PLEKHA1: variants seen among roughly 807,000 people sequenced by gnomAD.
The protein encoded by PLEKHA1 is pleckstrin homology domain containing A1.
Under a neutral mutation model 52.0 loss-of-function variants are expected in PLEKHA1, and 34 were observed. That is an observed-to-expected ratio of 0.65 (90% confidence interval 0.50 to 0.87). The LOEUF (loss-of-function observed/expected upper bound fraction) is 0.87. Ranked by LOEUF, PLEKHA1 falls within the 40% of genes least tolerant of loss-of-function variation. The pLI is 0.00. For synonymous variants in PLEKHA1, 163 were observed against 170.7 expected (o/e 0.95, Z 0.35); for missense variants, 497 against 504.2 (o/e 0.99, Z 0.14).
chr10:122,424,657 C>CA (rs1415413094), intron 9 of PLEKHA1, among the ~76,000 whole-genome samples: 1 of 152,098 alleles, frequency 6.6e-6, no homozygotes, highest in Non-Finnish European at 1.5e-5. Flanking sequence ...AGTGTTTCAC[C>CA]AAACTGATTA....
chr10:122,409,943 A>G (rs1189602290), intron 5 of PLEKHA1, among the ~76,000 whole-genome samples: 2 of 152,030 alleles, frequency 1.3e-5, no homozygotes, highest in Non-Finnish European at 2.9e-5. Flanking sequence ...CACCACAGCC[A>G]GCTAATTTTT....
intron 1 of PLEKHA1, among the ~76,000 whole-genome samples, chr10:122,375,910 A>T (rs972059401): frequency 4.6e-5 from 7 of 152,152 alleles, no homozygotes; most frequent in African/African-American, 1.4e-4. Flanking sequence ...GCCCCTTGTG[A>T]GTTAGTTTTC....
chr10:122,426,829 T>C, intron 10 of PLEKHA1, 113 bp from the exon 11 acceptor site: 1 of 970,764 alleles, frequency 1.0e-6, no homozygotes, highest in Admixed American at 2.7e-5. Flanking sequence ...ACAGTTGCCT[T>C]AGAGTGATTT....
chr10:122,410,550 A>G (rs1010948844), intron 5 of PLEKHA1, among the ~76,000 whole-genome samples: 3 of 152,172 alleles, frequency 2.0e-5, no homozygotes, highest in South Asian at 2.1e-4. Flanking sequence ...ATCCATGTTC[A>G]TGGGTATTTT....
At chr10:122,376,509 T>G (rs1479693501) in intron 1 of PLEKHA1, among the ~76,000 whole-genome samples, 41 of 664 alleles carry the variant, frequency 0.062, no homozygotes, top group African/African-American at 0.13. Context: ...AAGATATATA[T>G]ATATATATAT....
rs2097418855 is a variant in PLEKHA1, at chr10:122,431,760, C to T, written c.*1822C>T. 1 of 152,448 alleles carries T rather than the reference C, an allele frequency of 6.6e-6. No homozygotes were observed. Among genetic ancestry groups the T allele is most frequent in the African/African-American group, 2.4e-5 (1 of 41,392 alleles). The allele number at this position is 152,448 out of a possible 1,614,324, so 9.4% of individuals were successfully genotyped here. ...CATTAAGATTTTTTCTCTTTTGCAGCTACATTTGAAAGTGATAGAATAAAG... is the reference window on the plus strand; with the variant it reads ...CATTAAGATTTTTTCTCTTTTGCAGTTACATTTGAAAGTGATAGAATAAAG... On this transcript the variant is annotated 3_prime_UTR_variant, in exon 12 of 12. Transcript: ENST00000368990.
the PLEKHA1 span, chr10:122,439,474 G>A: frequency 1.3e-5 from 2 of 151,424 alleles, no homozygotes; most frequent in African/African-American, 4.9e-5. Flanking sequence ...GCTCACGCCT[G>A]TAATCCTAGC....
At chr10:122,376,081 A>G (rs1429196130) in intron 1 of PLEKHA1, among the ~76,000 whole-genome samples, 1 of 152,194 alleles carries the variant, frequency 6.6e-6, no homozygotes, top group African/African-American at 2.4e-5. Context: ...TGCCACTGAA[A>G]CCATTTACAG....
intron 1 of PLEKHA1, 73 bp downstream of exon 1, chr10:122,374,879 C>CGGCTGCGG (rs1182782800): frequency 1.3e-5 from 2 of 154,534 alleles, no homozygotes; most frequent in African/African-American, 2.4e-5. Flanking sequence ...GAGGTGGCGG[C>CGGCTGCGG]GGCTGCGGGG....
chr10:122,434,365 G>A (rs1404690989), downstream of PLEKHA1: 1 of 152,084 alleles, frequency 6.6e-6, no homozygotes, highest in Non-Finnish European at 1.5e-5. Flanking sequence ...TTCTTGCCTA[G>A]TGTCTCATTG....
intron 5 of PLEKHA1, among the ~76,000 whole-genome samples, chr10:122,408,803 A>G (rs1343086350): frequency 6.6e-6 from 1 of 152,162 alleles, no homozygotes; most frequent in African/African-American, 2.4e-5. Flanking sequence ...TTTCCTGTGA[A>G]CATTGCTGAT....
At chr10:122,382,004 A>G (rs1001823288) in intron 1 of PLEKHA1, among the ~76,000 whole-genome samples, 1 of 152,188 alleles carries the variant, frequency 6.6e-6, no homozygotes, top group African/African-American at 2.4e-5. Context: ...TATATAGGAA[A>G]GAGATCCACA....
chr10:122,397,154 A>G (rs2096861915), intron 2 of PLEKHA1, among the ~76,000 whole-genome samples: 1 of 151,976 alleles, frequency 6.6e-6, no homozygotes. Context: ...ATTGTTTGCT[A>G]TAGTTTGTCC....
At chr10:122,411,837 A>C (rs2097110802) in intron 5 of PLEKHA1, 1 of 152,204 alleles carries the variant, frequency 6.6e-6, no homozygotes, top group Non-Finnish European at 1.5e-5. Context: ...AAACTATTTA[A>C]GTTAAATGTT....
At chr10:122,375,094 C>T (rs1350960752) in intron 1 of PLEKHA1, 1 of 151,852 alleles carries the variant, frequency 6.6e-6, no homozygotes, top group Non-Finnish European at 1.5e-5. Context: ...CGTGGGTCCC[C>T]GATTGTTTTC....
At chr10:122,427,390 G>C (rs1202340390) in intron 11 of PLEKHA1, among the ~76,000 whole-genome samples, 3 of 152,150 alleles carry the variant, frequency 2.0e-5, no homozygotes, top group Non-Finnish European at 2.9e-5. Flanking sequence ...TTTAGTTGTA[G>C]CGTTACACAG....
Position 122,374,747 on chromosome 10 carries a change from A to C in PLEKHA1, c.-80A>C, listed in dbSNP as rs1359218772. 1 of 151,784 alleles carries C rather than the reference A, an allele frequency of 6.6e-6. No individual in the cohort carries two copies. Among genetic ancestry groups the C allele is most frequent in the Non-Finnish European group, 1.5e-5 (1 of 67,946 alleles). The allele number at this position is 151,784 out of a possible 1,614,324, so 9.4% of individuals were successfully genotyped here. A position where few individuals can be genotyped will look rare whatever the true frequency, so the allele number is the denominator to read the frequency against. The stretch of plus-strand genomic sequence containing the variant: ...GGCCGTCGCGGACGCCGCTCCGGGC[A>C]GCCGAGCCTCTGTGGGAGCCGGGGC... On this transcript the variant is annotated 5_prime_UTR_variant, in exon 1 of 12. Transcript: ENST00000368990.
At chr10:122,428,481 A>G (rs1417843228) in intron 11 of PLEKHA1, 1 of 1,288,498 alleles carries the variant, frequency 7.8e-7, no homozygotes, top group Non-Finnish European at 9.9e-7. Context: ...TACTAACGCA[A>G]ACTGTTTCAC....
At chr10:122,405,158 G>T (rs991879801) in intron 4 of PLEKHA1, among the ~76,000 whole-genome samples, 9 of 152,064 alleles carry the variant, frequency 5.9e-5, no homozygotes, top group African/African-American at 2.2e-4. Context: ...CCCTAAAGGG[G>T]AATATAGAAA....
Sources: allele counts gnomAD v4.1 joint callset (sites outside exome capture counted in the v4.1 genomes callset), GRCh38; gene constraint gnomAD v4.1.1; transcripts MANE v1.5; gene names NCBI Gene and HGNC (gene_info 2026-07-23, HGNC 2026-07-21).